Variants in SOD2 observed in about 807,000 individuals in gnomAD.
SOD2 encodes the protein superoxide dismutase 2.
Under a neutral mutation model 27.0 loss-of-function variants are expected in SOD2, and 11 were observed. The ratio of observed to expected loss-of-function variants is 0.41; its 90% CI spans 0.26 to 0.67. SOD2 has a LOEUF of 0.67. Among genes scored for constraint, SOD2 ranks in the 30% least tolerant of loss-of-function variants. The pLI, the probability that SOD2 is intolerant of heterozygous loss-of-function variation, is 0.34. For synonymous variants in SOD2, 105 were observed against 103.0 expected, an observed-to-expected ratio of 1.02 and a Z score of -0.12; for missense variants, 250 against 274.5, an observed-to-expected ratio of 0.91 and a Z score of 0.63.
chr6:159,762,171 T>A (rs747269052), exon 1 of SOD2: 1 of 1,597,268 alleles, frequency 6.3e-7, no homozygotes, highest in Admixed American at 1.7e-5. Context: ...CCGCGCAGAG[T>A]CCGAGGCGCC....
At chr6:159,698,267 A>G (rs1350161558), upstream of SOD2, among the ~76,000 whole-genome samples, 1 of 135,548 alleles carries the variant, frequency 7.4e-6, no homozygotes, top group Admixed American at 7.8e-5. Flanking sequence ...AGTGGGACTC[A>G]GTGTCAAAAA....
In SOD2 at chr6:159,679,582, C is replaced by G. The variant is rs1779860461; in HGVS notation, c.*2911G>C. On this transcript the variant is annotated 3_prime_UTR_variant, in exon 5 of 5. Coordinates refer to ENST00000538183, the MANE Select transcript of SOD2 (RefSeq NM_000636.4). ...AAAGTTTAATTATTACAAAATAGTT[C>G]AAGCAACAGATAGAATTTCAAAAAC... 6.6e-6 allele frequency: 1 copy of G among 152,200 alleles called. No homozygotes were observed. The highest frequency in any genetic ancestry group is 6.5e-5 in the Admixed American group (1 of 15,278). 9.4% of individuals were successfully genotyped at this position (152,200 alleles called of 1,614,324 possible). A position where few individuals can be genotyped will look rare whatever the true frequency, so the allele number is the denominator to read the frequency against.
intron 1 of SOD2, among the ~76,000 whole-genome samples, chr6:159,740,867 A>G (rs1282346273): frequency 6.6e-6 from 1 of 151,688 alleles, no homozygotes; most frequent in Non-Finnish European, 1.5e-5. Flanking sequence ...ATGCCCTGCT[A>G]ATTTTTTTGT....
At chr6:159,685,163 C>T (rs987088571) in intron 3 of SOD2, 130 bp from the exon 4 acceptor site, 32 of 425,646 alleles carry the variant, frequency 7.5e-5, no homozygotes, top group African/African-American at 6.5e-4. Context: ...CAGAATGCGA[C>T]ACCTGGATCT....
intron 1 of SOD2, among the ~76,000 whole-genome samples, chr6:159,739,303 C>A (rs1297480076): frequency 1.3e-5 from 2 of 152,076 alleles, no homozygotes; most frequent in Admixed American, 6.5e-5. Flanking sequence ...TCGTGTTTAA[C>A]ATTTGAAAAA....
intron 1 of SOD2, among the ~76,000 whole-genome samples, chr6:159,750,252 T>C (rs1333913616): frequency 1.3e-5 from 2 of 152,208 alleles, no homozygotes. Context: ...TTTTAGTAGA[T>C]TTTAGTAGAA....
intron 1 of SOD2, among the ~76,000 whole-genome samples, chr6:159,721,141 C>T (rs1051876803): frequency 2.6e-5 from 4 of 151,200 alleles, no homozygotes; most frequent in Admixed American, 6.6e-5. Context: ...AATCTCAGCT[C>T]GCTGCAAGCT....
chr6:159,712,824 C>T, intron 1 of SOD2: 1 of 573,772 alleles, frequency 1.7e-6, no homozygotes, highest in Admixed American at 2.0e-5. Context: ...CATCATTTGC[C>T]TACCATAAGC....
chr6:159,689,227 T>C (rs1335875863), intron 2 of SOD2, among the ~76,000 whole-genome samples: 2 of 152,202 alleles, frequency 1.3e-5, no homozygotes. Context: ...CTGCTGCCTC[T>C]GCTGAACACT....
chr6:159,752,531 A>G (rs1452863974), intron 1 of SOD2, among the ~76,000 whole-genome samples: 3 of 152,180 alleles, frequency 2.0e-5, no homozygotes, highest in Non-Finnish European at 2.9e-5. Flanking sequence ...GCATTTGGAA[A>G]CTATAATCTG....
chr6:159,729,785 A>G (rs544138520), upstream of SOD2, among the ~76,000 whole-genome samples: 13 of 152,332 alleles, frequency 8.5e-5, no homozygotes, highest in Non-Finnish European at 1.8e-4. Context: ...GGTGTCTTAC[A>G]TTCAGCTATG....
exon 1 of SOD2, chr6:159,761,970 G>C (rs945652521): frequency 8.4e-7 from 1 of 1,183,992 alleles, no homozygotes; most frequent in Non-Finnish European, 1.2e-6. Context: ...GCGCGGGGAG[G>C]TGGAGGGCGA....
chr6:159,761,447 T>C (rs928685075), exon 1 of SOD2: 2 of 445,286 alleles, frequency 4.5e-6, no homozygotes, highest in Non-Finnish European at 9.0e-6. Context: ...GAGTTGATCT[T>C]AGAAGGCAGG....
intron 1 of SOD2, chr6:159,726,875 A>ACGCCCGCGGCTCGC (rs1778193616): frequency 7.8e-7 from 1 of 1,289,174 alleles, no homozygotes; most frequent in African/African-American, 1.5e-5. Context: ...CTAAGAGTAA[A>ACGCCCGCGGCTCGC]CGCCCGCGGC....
upstream of SOD2, among the ~76,000 whole-genome samples, chr6:159,696,872 T>A (rs946481203): frequency 1.3e-5 from 2 of 152,024 alleles, no homozygotes; most frequent in Admixed American, 6.6e-5. Context: ...CAAGACTCTG[T>A]CTCTACCAAA....
intron 1 of SOD2, among the ~76,000 whole-genome samples, chr6:159,719,429 G>A (rs1397729550): frequency 6.6e-6 from 1 of 152,028 alleles, no homozygotes; most frequent in Non-Finnish European, 1.5e-5. Context: ...TCAGGCTGCT[G>A]AGGTGGGAAA....
At chr6:159,708,944 C>T (rs1159088415) in intron 1 of SOD2, among the ~76,000 whole-genome samples, 1 of 150,634 alleles carries the variant, frequency 6.6e-6, no homozygotes, top group Non-Finnish European at 1.5e-5. Context: ...CAGAACAGAG[C>T]CCTCAGAAAT....
chr6:159,749,041 T>C (rs896338566), upstream of SOD2: 22 of 993,852 alleles, frequency 2.2e-5, no homozygotes, highest in Non-Finnish European at 2.6e-5. Flanking sequence ...TTTAACCATT[T>C]AGTTTGGGGC....
At position 159,755,765 on chromosome 6, in the gene SOD2, C is replaced by CTTTTTTTTTT; in HGVS notation, c.-336+5262_-336+5271dup. On this transcript the variant is annotated intron_variant, in intron 1 of 7. Coordinates refer to the SOD2 transcript ENST00000546087. ...TTTTTCTTTGTTTTTTTTTTCTTTTCTTTTTTTTTTTTTTTTTTTTTTTTT... is the reference window on the plus strand; with the variant it reads ...TTTTTCTTTGTTTTTTTTTTCTTTTCTTTTTTTTTTTTTTTTTTTTTTTTTTTTTTTTTTT... 27 of 173,382 alleles carry CTTTTTTTTTT rather than the reference C, an allele frequency of 1.6e-4. 1 individual carries two copies. Among genetic ancestry groups the CTTTTTTTTTT allele is most frequent in the Admixed American group, 3.3e-4 (1 of 3,068 alleles). 10.7% of individuals were successfully genotyped at this position (173,382 alleles called of 1,614,324 possible). A position where few individuals can be genotyped will look rare whatever the true frequency, so the allele number is the denominator to read the frequency against.
Sources: allele counts gnomAD v4.1 joint callset (sites outside exome capture counted in the v4.1 genomes callset), GRCh38; gene constraint gnomAD v4.1.1; transcripts MANE v1.5; gene names NCBI Gene and HGNC (gene_info 2026-07-23, HGNC 2026-07-21).